STARD9: variants seen among roughly 807,000 people sequenced by gnomAD.
STARD9 encodes the protein StAR related lipid transfer domain containing 9.
STARD9 carries 346 observed loss-of-function variants against 399.8 expected under a neutral mutation model. The observed-to-expected ratio is 0.87, with a 90% confidence interval of 0.79 to 0.95. The LOEUF is 0.95. STARD9 is among the 40% of genes least tolerant of loss of function. The probability of loss-of-function intolerance (pLI) is 0.00; values close to 1 mark genes in which losing one functional copy is unlikely to be tolerated. For missense variants in STARD9, 5,832 were observed against 5,667.5 expected (o/e 1.03, Z -0.93); for synonymous variants, 2,203 against 2,143.5 (o/e 1.03, Z -0.77).
rs2060743658 is a variant in STARD9 at position 42,692,795 on chromosome 15, C to T, written c.11217C>T (p.Asp3739=). ...QTTVDEGSQT[D]LTLPTLCLQT... ...CTGTGGATGAGGGCAGCCAGACTGA[C>T]CTCACCTTACCCACCCTGTGCCTCC... Residue 3739 remains aspartate, a synonymous_variant, in exon 23 of 33, where the codon GAC becomes GAT. Transcript: ENST00000290607. 1.3e-6 allele frequency: 2 copies of T among 1,537,196 alleles called. No individual in the cohort carries two copies. Among genetic ancestry groups the T allele is most frequent in the South Asian group, 1.2e-5 (1 of 84,048 alleles).
intron 9 of STARD9, among the ~76,000 whole-genome samples, chr15:42,655,715 A>C (rs970517322): frequency 6.6e-6 from 1 of 152,274 alleles, no homozygotes; most frequent in Non-Finnish European, 1.5e-5. Context: ...AGCAAATGCA[A>C]CAAAAACAAA....
chr15:42,605,474 AG>A (rs1317264312), intron 3 of STARD9, among the ~76,000 whole-genome samples: 5 of 152,200 alleles, frequency 3.3e-5, no homozygotes, highest in African/African-American at 1.2e-4. Flanking sequence ...AATTGGTTTC[AG>A]GGCAGAAGCA....
At chr15:42,717,707 TG>T (rs2061375500) in intron 28 of STARD9, 23 bp from the exon 29 acceptor site, 3 of 1,536,304 alleles carry the variant, frequency 2.0e-6, no homozygotes, top group Non-Finnish European at 1.7e-6. Flanking sequence ...CCTCCTAATT[TG>T]GGTGTGGCCA....
At chr15:42,586,796 A>G (rs2058285268) in intron 3 of STARD9, among the ~76,000 whole-genome samples, 1 of 152,170 alleles carries the variant, frequency 6.6e-6, no homozygotes, top group South Asian at 2.1e-4. Context: ...TTGAATAAAA[A>G]GTCAAACTAT....
At position 42,662,776 on chromosome 15, in the gene STARD9, T is replaced by C. The variant is rs773044969; in HGVS notation, c.771-18T>C. 1.3e-6 allele frequency: 2 copies of C among 1,523,760 alleles called. No individual in the cohort carries two copies. Among genetic ancestry groups the C allele is most frequent in the Non-Finnish European group, 1.8e-6 (2 of 1,134,772 alleles). 94.4% of individuals were successfully genotyped at this position (1,523,760 alleles called of 1,614,324 possible). On this transcript the variant is annotated intron_variant, in intron 10 of 32. Coordinates refer to ENST00000290607, the MANE Select transcript of STARD9 (RefSeq NM_020759.3). ...TCTTATTTGCTTTTGTTTTTGTTTT[T>C]CATTGACTGTGTTTTAGCGAAAGAG...
chr15:42,682,388 G>C lies in STARD9; in HGVS notation c.2350G>C (p.Ala784Pro), dbSNP rs2060449844. ...RIIKKQRLLEAQKRLEKLTTL... is the reference protein window; with the variant it reads ...RIIKKQRLLEPQKRLEKLTTL... Reference sequence around the variant, plus strand: ...CATCAAAAAGCAGAGGCTGCTGGAGGCCCAGAAGAGACTGGAGAAGCTCAC... The same window carrying C: ...CATCAAAAAGCAGAGGCTGCTGGAGCCCCAGAAGAGACTGGAGAAGCTCAC... The change falls in exon 22 of 33, where the codon GCC (alanine) becomes CCC (proline). Residue 784 changes from alanine (A) to proline (P), a missense_variant. Transcript: ENST00000290607. The C allele has an allele frequency of 3.3e-6, 5 of 1,537,258 alleles. No homozygotes were observed. The highest frequency in any genetic ancestry group is 3.5e-6 in the Non-Finnish European group (4 of 1,146,916).
chr15:42,690,432 C>T lies in STARD9; in HGVS notation c.8854C>T (p.Pro2952Ser). Reference sequence around the variant, plus strand: ...TAGAGGGAAAGAGAGCAGAACTCTTCCTTGCCGACAGCCATGCAGTTCTCA... The same window carrying T: ...TAGAGGGAAAGAGAGCAGAACTCTTTCTTGCCGACAGCCATGCAGTTCTCA... ...PSRGKESRTL[P>S]CRQPCSSQPV... The change falls in exon 23 of 33, where the codon CCT (proline) becomes TCT (serine). Residue 2952 changes from proline (P) to serine (S), a missense_variant. Pro to Ser is a moderately conservative substitution (Grantham distance 74). This residue lies in a region of STARD9 where 5,828 missense variants were observed against 5,651.1 expected (regional missense o/e 1.03). Coordinates refer to ENST00000290607, the MANE Select transcript of STARD9 (RefSeq NM_020759.3). 1 of 1,537,192 alleles carries T rather than the reference C, an allele frequency of 6.5e-7. No individual in the cohort carries two copies. The highest frequency in any genetic ancestry group is 8.7e-7 in the Non-Finnish European group (1 of 1,146,894).
At position 42,686,127 on chromosome 15, in the gene STARD9, T is replaced by C. The variant is rs773499100; in HGVS notation, c.4549T>C (p.Ser1517Pro). The change falls in exon 23 of 33, where the codon TCT becomes CCT. Residue 1517 changes from serine (S) to proline (P), a missense_variant. Around this residue, in one of 2 missense-constraint regions of STARD9, gnomAD observed 5,828 missense variants for 5,651.1 expected, o/e 1.03. Transcript: ENST00000290607. ...KPAYPYLEED[S>P]GSLAQASSKG... ...AGCTTACCCCTACCTTGAGGAAGAC[T>C]CTGGTTCCCTGGCCCAAGCTTCTAG... 12 of 1,537,154 alleles carry C rather than the reference T, an allele frequency of 7.8e-6. No homozygotes were observed. Among genetic ancestry groups the C allele is most frequent in the Admixed American group, 2.0e-5 (1 of 50,988 alleles).
chr15:42,696,024 G>T, intron 26 of STARD9, 144 bp downstream of exon 26: 1 of 819,844 alleles, frequency 1.2e-6, no homozygotes, highest in Non-Finnish European at 1.8e-6. Flanking sequence ...TTATGTGCAG[G>T]CCTTTGGTTT....
chr15:42,575,606 A>T lies in STARD9; in HGVS notation c.-110A>T. 8.0e-7 allele frequency: 1 copy of T among 1,249,166 alleles called. No individual in the cohort carries two copies. The highest frequency in any genetic ancestry group is 1.1e-6 in the Non-Finnish European group (1 of 910,768). The allele number at this position is 1,249,166 out of a possible 1,614,324, so 77.4% of individuals were successfully genotyped here. On this transcript the variant is annotated 5_prime_UTR_variant, in exon 1 of 33. Coordinates refer to ENST00000290607, the MANE Select transcript of STARD9 (RefSeq NM_020759.3). ...CTCGCGTCCGCGCGGCGGCGTCCCC[A>T]GAGGCGCGTGGGGCGGGCGGGGCTG... is the stretch of plus-strand genomic sequence containing the variant.
intron 7 of STARD9, among the ~76,000 whole-genome samples, chr15:42,643,186 C>T (rs550206767): frequency 2.9e-4 from 44 of 151,848 alleles, no homozygotes; most frequent in African/African-American, 9.9e-4. Context: ...TCAAAGTTAC[C>T]CTTTTATTGT....
Position 42,720,177 on chromosome 15 carries a change from C to T in STARD9, c.*603C>T, listed in dbSNP as rs947121620. The T allele has an allele frequency of 1.3e-5, 2 of 152,304 alleles. No homozygotes were observed. Among genetic ancestry groups the T allele is most frequent in the Non-Finnish European group, 2.9e-5 (2 of 68,156 alleles). The allele number at this position is 152,304 out of a possible 1,614,324, so 9.4% of individuals were successfully genotyped here. On this transcript the variant is annotated 3_prime_UTR_variant, in exon 33 of 33. Coordinates refer to ENST00000290607, the MANE Select transcript of STARD9 (RefSeq NM_020759.3). Reference sequence around the variant, plus strand: ...GATTTTTGCTTTTTTTCTCCCTTTCCCTCCCAGGAGAAGACATTTGGGTCT... The same window carrying T: ...GATTTTTGCTTTTTTTCTCCCTTTCTCTCCCAGGAGAAGACATTTGGGTCT...
intron 18 of STARD9, chr15:42,675,378 G>A (rs978925262): frequency 1.5e-5 from 7 of 481,616 alleles, no homozygotes; most frequent in African/African-American, 1.2e-4. Flanking sequence ...AATTCTGTCT[G>A]TTCTTTTGAG....
chr15:42,713,804 A>G (rs921961784), intron 26 of STARD9, among the ~76,000 whole-genome samples: 5 of 151,728 alleles, frequency 3.3e-5, no homozygotes, highest in Non-Finnish European at 7.4e-5. Context: ...TTTGTTGAGG[A>G]TTTGTGTGTG....
chr15:42,719,492 G>A lies in STARD9; in HGVS notation c.14021G>A (p.Gly4674Asp), dbSNP rs756902651. ...TTTCAGGTGGAACTTGGTGCTCCAG[G>A]CTTCCCACCTCAGCTCCTGAGCTCT... Reference protein sequence around the residue: ...YLAQVELGAPGFPPQLLSSFI... With the variant: ...YLAQVELGAPDFPPQLLSSFI... Residue 4674 changes from glycine to aspartate, a missense_variant, in exon 33 of 33, where the codon GGC becomes GAC. Gly to Asp is a moderately conservative substitution (Grantham distance 94, BLOSUM62 -1). Around this residue, in one of 2 missense-constraint regions of STARD9, gnomAD observed 5,828 missense variants for 5,651.1 expected, o/e 1.03. Transcript: ENST00000290607. The A allele has an allele frequency of 1.3e-5, 20 of 1,536,830 alleles. No individual in the cohort carries two copies. The highest frequency in any genetic ancestry group is 1.6e-5 in the Non-Finnish European group (18 of 1,146,674).
chr15:42,691,486 G>T lies in STARD9; in HGVS notation c.9908G>T (p.Arg3303Met), dbSNP rs749314305. The T allele has an allele frequency of 5.2e-6, 8 of 1,537,122 alleles. No individual in the cohort carries two copies. Among genetic ancestry groups the T allele is most frequent in the Non-Finnish European group, 7.0e-6 (8 of 1,146,908 alleles). Residue 3303 changes from arginine (R) to methionine (M), a missense_variant, in exon 23 of 33, where the codon AGG becomes ATG. Around this residue, in one of 2 missense-constraint regions of STARD9, gnomAD observed 5,828 missense variants for 5,651.1 expected, o/e 1.03. Transcript: ENST00000290607. ...TGREQPAPNH[R>M]GSLPVTTIFS... is the part of the protein sequence containing the mutation. ...AGAGAGCAGCCAGCACCCAACCACA[G>T]GGGCTCACTTCCTGTGACTACAATC...
At chr15:42,639,144 T>G (rs929476768) in intron 7 of STARD9, among the ~76,000 whole-genome samples, 2 of 152,214 alleles carry the variant, frequency 1.3e-5, no homozygotes, top group African/African-American at 4.8e-5. Flanking sequence ...AGGAAACGTT[T>G]AAGCTGAGAC....
intron 10 of STARD9, among the ~76,000 whole-genome samples, chr15:42,661,848 T>TA (rs2059999639): frequency 6.6e-6 from 1 of 152,144 alleles, no homozygotes; most frequent in African/African-American, 2.4e-5. Context: ...AGGATATTGT[T>TA]AAAGCTGCCC....
intron 26 of STARD9, among the ~76,000 whole-genome samples, chr15:42,716,104 T>G (rs2061344309): frequency 6.6e-6 from 1 of 151,936 alleles, no homozygotes; most frequent in Non-Finnish European, 1.5e-5. Context: ...CCAGCAGAGG[T>G]CAAGGGTCCT....
Sources: gnomAD v4.1 joint callset for allele counts (sites outside exome capture counted in the v4.1 genomes callset) on GRCh38, gnomAD v4.1.1 for gene constraint, gnomAD v4.1.1 regional missense constraint, MANE v1.5 for transcripts, NCBI Gene and HGNC (gene_info 2026-07-23, HGNC 2026-07-21) for gene names.